Variants in CYP4Z1 observed in about 807,000 individuals in gnomAD.
The protein encoded by CYP4Z1 is cytochrome P450 family 4 subfamily Z member 1.
In CYP4Z1, 41 loss-of-function variants were observed where a neutral mutation model predicts 54.2. The ratio of observed to expected loss-of-function variants is 0.76; its 90% confidence interval spans 0.59 to 0.98. CYP4Z1 has a LOEUF of 0.98. Among genes scored for constraint, CYP4Z1 ranks in the 50% least tolerant of loss-of-function variants. The pLI is 0.00. For missense variants in CYP4Z1, 513 were observed against 599.0 expected (o/e 0.86, Z 1.50); for synonymous variants, 163 against 206.2 (o/e 0.79, Z 1.79).
At chr1:47,057,632 A>G in the CYP4Z1 span, among the ~76,000 whole-genome samples, 2 of 150,838 alleles carry the variant, frequency 1.3e-5, no homozygotes, top group African/African-American at 4.9e-5. Flanking sequence ...TCTAAGTTTT[A>G]GACTTTTCAT....
intron 9 of CYP4Z1, among the ~76,000 whole-genome samples, chr1:47,111,229 G>T (rs1039567661): frequency 4.6e-5 from 7 of 151,932 alleles, no homozygotes; most frequent in African/African-American, 1.7e-4. Flanking sequence ...TGTTGCCCAG[G>T]CTGGAGTGCA....
intron 8 of CYP4Z1, among the ~76,000 whole-genome samples, chr1:47,104,492 G>A (rs1246022759): frequency 2.6e-5 from 4 of 152,184 alleles, no homozygotes; most frequent in Admixed American, 6.5e-5. Flanking sequence ...GAGCTCTTGC[G>A]CACCTAGGCA....
At chr1:47,098,027 G>T (rs1455978076) in intron 7 of CYP4Z1, among the ~76,000 whole-genome samples, 3 of 152,066 alleles carry the variant, frequency 2.0e-5, no homozygotes, top group African/African-American at 4.8e-5. Context: ...ATGTTGGCCA[G>T]GCTGGTCTTG....
At position 47,067,720 on chromosome 1, in the gene CYP4Z1, A is replaced by C. The variant is rs1446278705; in HGVS notation, c.177+53A>C. The stretch of plus-strand genomic sequence containing the variant: ...TTAAGGGACAGAAAGATGAGGTATT[A>C]AAAAAAAACAGCACAGACTGGTGGG... On this transcript the variant is annotated intron_variant, in intron 1 of 11. Transcript: ENST00000334194. 4 of 1,443,890 alleles carry C rather than the reference A, an allele frequency of 2.8e-6. No individual in the cohort carries two copies. In the East Asian group the frequency reaches 9.6e-5, roughly 35 times the overall value. The allele number at this position is 1,443,890 out of a possible 1,614,324, so 89.4% of individuals were successfully genotyped here.
Position 47,067,628 on chromosome 1 carries a change from T to C in CYP4Z1, c.138T>C (p.Phe46=), listed in dbSNP as rs1644459829. 6.2e-7 allele frequency: 1 copy of C among 1,611,978 alleles called. No homozygotes were observed. The stretch of plus-strand genomic sequence containing the variant: ...GGATGATCAGAGCCCTGCACCTGTT[T>C]CCTGCACCCCCTGCCCACTGGTTCT... ...RRWMIRALHL[F]PAPPAHWFYG... is the part of the protein sequence containing the mutation. Residue 46 remains phenylalanine (F), a synonymous_variant, in exon 1 of 12, where the codon TTT becomes TTC. Coordinates refer to ENST00000334194, the MANE Select transcript of CYP4Z1 (RefSeq NM_178134.3).
At chr1:47,104,249 A>G (rs1424570746) in intron 8 of CYP4Z1, among the ~76,000 whole-genome samples, 4 of 152,162 alleles carry the variant, frequency 2.6e-5, no homozygotes, top group African/African-American at 4.8e-5. Context: ...TGATTTACTC[A>G]GTGGCTTAGC....
At chr1:47,078,261 C>T (rs965602248) in intron 2 of CYP4Z1, among the ~76,000 whole-genome samples, 10 of 152,260 alleles carry the variant, frequency 6.6e-5, no homozygotes, top group African/African-American at 2.4e-4. Flanking sequence ...TCAACAATCT[C>T]AATTGACCTA....
At position 47,118,026 on chromosome 1, in the gene CYP4Z1, G is replaced by T. The variant is rs1644843762; in HGVS notation, c.*92G>T. On this transcript the variant is annotated 3_prime_UTR_variant, in exon 12 of 12. Coordinates refer to ENST00000334194, the MANE Select transcript of CYP4Z1 (RefSeq NM_178134.3). ...ATATAATACAAAATATATGTATATGGTTGTTTGACAAATTATATAACTTAG... is the reference window on the plus strand; with the variant it reads ...ATATAATACAAAATATATGTATATGTTTGTTTGACAAATTATATAACTTAG... 8.0e-7 allele frequency: 1 copy of T among 1,243,438 alleles called. No individual in the cohort carries two copies. The highest frequency in any genetic ancestry group is 1.1e-6 in the Non-Finnish European group (1 of 916,314). The allele number at this position is 1,243,438 out of a possible 1,614,324, so 77.0% of individuals were successfully genotyped here. A position where few individuals can be genotyped will look rare whatever the true frequency, so the allele number is the denominator to read the frequency against.
intron 7 of CYP4Z1, among the ~76,000 whole-genome samples, chr1:47,095,595 A>G (rs1353712681): frequency 6.6e-6 from 1 of 152,192 alleles, no homozygotes; most frequent in Non-Finnish European, 1.5e-5. Flanking sequence ...ATTTTAATAC[A>G]TATTTATTCA....
At chr1:47,102,951 C>T (rs1644730842) in intron 8 of CYP4Z1, among the ~76,000 whole-genome samples, 1 of 151,996 alleles carries the variant, frequency 6.6e-6, no homozygotes, top group African/African-American at 2.4e-5. Context: ...CCTTCTGGGA[C>T]ACCAAAAATT....
intron 6 of CYP4Z1, among the ~76,000 whole-genome samples, chr1:47,089,957 G>A (rs1487658182): frequency 3.3e-5 from 5 of 152,246 alleles, no homozygotes; most frequent in African/African-American, 1.2e-4. Flanking sequence ...AACAACTTTA[G>A]TGTTAATCTC....
intron 6 of CYP4Z1, among the ~76,000 whole-genome samples, chr1:47,091,943 CAGA>C (rs1249339519): frequency 6.6e-6 from 1 of 151,432 alleles, no homozygotes; most frequent in African/African-American, 2.4e-5. Context: ...CTCTAATGTT[CAGA>C]AGGAGGTCCG....
At chr1:47,059,100 G>A in the CYP4Z1 span, among the ~76,000 whole-genome samples, 2 of 152,052 alleles carry the variant, frequency 1.3e-5, no homozygotes, top group African/African-American at 4.8e-5. Flanking sequence ...AGAACAATTT[G>A]CAAGTATACA....
the CYP4Z1 span, among the ~76,000 whole-genome samples, chr1:47,059,307 A>G: frequency 6.6e-6 from 1 of 152,204 alleles, no homozygotes; most frequent in African/African-American, 2.4e-5. Context: ...AGTTGCAGCT[A>G]TAGAAGGTTA....
chr1:47,088,546 T>C (rs990451686), intron 6 of CYP4Z1, among the ~76,000 whole-genome samples: 6 of 151,656 alleles, frequency 4.0e-5, no homozygotes, highest in Non-Finnish European at 5.9e-5. Context: ...GTGACATCCC[T>C]TTATCATTTT....
intron 4 of CYP4Z1, among the ~76,000 whole-genome samples, chr1:47,084,021 G>A (rs953481230): frequency 1.2e-4 from 19 of 152,114 alleles, no homozygotes; most frequent in East Asian, 7.7e-4. Context: ...GGAGAACTTC[G>A]TCTCAATAAA....
chr1:47,068,682 G>C lies in CYP4Z1; in HGVS notation c.238G>C (p.Val80Leu), dbSNP rs369394518. ...HKLMEKYPCA[V>L]PLWVGPFTMF... ...GCTGATGGAAAAATACCCATGTGCT[G>C]TTCCCTTGTGGGTTGGACCCTTTAC... The change falls in exon 2 of 12, where the codon GTT becomes CTT. Residue 80 changes from valine to leucine, a missense_variant. Transcript: ENST00000334194. 93 of 1,614,062 alleles carry C rather than the reference G, an allele frequency of 5.8e-5. No homozygotes were observed. The highest frequency in any genetic ancestry group is 7.4e-5 in the Non-Finnish European group (87 of 1,180,012).
the CYP4Z1 span, among the ~76,000 whole-genome samples, chr1:47,057,335 A>AAAAAAAAAATATATATATAT: frequency 7.0e-5 from 2 of 28,488 alleles, no homozygotes; most frequent in Non-Finnish European, 1.7e-4. Context: ...AAGAAAAAAA[A>AAAAAAAAAATATATATATAT]ATATATATAT....
chr1:47,064,758 G>C (rs1425004011), upstream of CYP4Z1, among the ~76,000 whole-genome samples: 1 of 152,118 alleles, frequency 6.6e-6, no homozygotes, highest in East Asian at 1.9e-4. Context: ...CAGAACAGCA[G>C]AATGGATAAG....
Sources: allele counts gnomAD v4.1 joint callset (sites outside exome capture counted in the v4.1 genomes callset), GRCh38; gene constraint gnomAD v4.1.1; transcripts MANE v1.5; gene names NCBI Gene and HGNC (gene_info 2026-07-23, HGNC 2026-07-21).